SLC24A4: variants seen among roughly 807,000 people sequenced by gnomAD.
SLC24A4 encodes the protein sodium/potassium/calcium exchanger 4.
Under a neutral mutation model 79.0 loss-of-function variants are expected in SLC24A4, and 53 were observed. That is an observed-to-expected ratio of 0.67 (90% confidence interval 0.54 to 0.84). The LOEUF (loss-of-function observed/expected upper bound fraction) is 0.84. SLC24A4 is among the 40% of genes least tolerant of loss of function. SLC24A4 has a pLI of 0.00. For synonymous variants in SLC24A4, 323 were observed against 323.8 expected (o/e 1.00, Z 0.03); for missense variants, 731 against 822.0 (o/e 0.89, Z 1.35).
intron 2 of SLC24A4, among the ~76,000 whole-genome samples, chr14:92,403,010 GA>G (rs1418661581): frequency 3.3e-5 from 5 of 152,144 alleles, no homozygotes; most frequent in African/African-American, 1.2e-4. Flanking sequence ...CCCAGGTGGG[GA>G]CCAGGGACCC....
At chr14:92,349,106 T>A (rs1886716528) in intron 2 of SLC24A4, among the ~76,000 whole-genome samples, 1 of 151,312 alleles carries the variant, frequency 6.6e-6, no homozygotes, top group African/African-American at 2.4e-5. Context: ...TGTGTAAGGA[T>A]TGCTGTTGAA....
chr14:92,418,780 C>A (rs1891123715), intron 2 of SLC24A4, among the ~76,000 whole-genome samples: 1 of 152,206 alleles, frequency 6.6e-6, no homozygotes, highest in Non-Finnish European at 1.5e-5. Flanking sequence ...CGGCTCACTG[C>A]AACCTCTGCC....
intron 2 of SLC24A4, among the ~76,000 whole-genome samples, chr14:92,409,914 G>A (rs1251061433): frequency 6.6e-6 from 1 of 152,142 alleles, no homozygotes; most frequent in African/African-American, 2.4e-5. Flanking sequence ...GGAGCTGGAG[G>A]CCATTATCCT....
intron 2 of SLC24A4, among the ~76,000 whole-genome samples, chr14:92,337,265 T>C (rs1439391721): frequency 6.6e-6 from 1 of 152,188 alleles, no homozygotes; most frequent in Non-Finnish European, 1.5e-5. Flanking sequence ...CAGATTGCGA[T>C]GATAAGAATG....
chr14:92,492,327 C>A, intron 16 of SLC24A4, 87 bp downstream of exon 16: 2 of 1,252,154 alleles, frequency 1.6e-6, no homozygotes, highest in Non-Finnish European at 1.2e-6. Context: ...CTCTGTACAC[C>A]CCTGTCACTT....
At chr14:92,408,166 A>AGAGTGTGTGTGTGT (rs1555366529) in intron 2 of SLC24A4, among the ~76,000 whole-genome samples, 2 of 136,920 alleles carry the variant, frequency 1.5e-5, no homozygotes, top group Admixed American at 1.5e-4. Context: ...TTGCTACAGC[A>AGAGTGTGTGTGTGT]GTGTGTGTGT....
intron 2 of SLC24A4, among the ~76,000 whole-genome samples, chr14:92,359,208 G>C (rs1162790895): frequency 6.6e-6 from 1 of 152,100 alleles, no homozygotes; most frequent in Non-Finnish European, 1.5e-5. Flanking sequence ...GCATCTTTGT[G>C]AGCTCCCTGT....
At chr14:92,427,223 G>T (rs565016836) in intron 2 of SLC24A4, among the ~76,000 whole-genome samples, 1 of 152,228 alleles carries the variant, frequency 6.6e-6, no homozygotes, top group Non-Finnish European at 1.5e-5. Context: ...CACACTGGGG[G>T]CTCCTGAGTT....
rs944344154 is a variant in SLC24A4 at position 92,499,903 on chromosome 14, G to C, written c.*6275G>C. The C allele has an allele frequency of 1.3e-5, 2 of 149,642 alleles. No homozygotes were observed. The highest frequency in any genetic ancestry group is 3.0e-5 in the Non-Finnish European group (2 of 67,704). 9.3% of individuals were successfully genotyped at this position (149,642 alleles called of 1,614,324 possible). The stretch of plus-strand genomic sequence containing the variant: ...TGCCCAGGCTGGAGTGCAGTGGCGC[G>C]ATCTCCACTCACTGCAAGCTCCGCC... On this transcript the variant is annotated 3_prime_UTR_variant, in exon 17 of 17. Coordinates refer to ENST00000532405, the MANE Select transcript of SLC24A4 (RefSeq NM_153646.4).
Position 92,323,690 on chromosome 14 carries a change from G to A in SLC24A4, c.-141G>A. On this transcript the variant is annotated 5_prime_UTR_variant, in exon 1 of 17. Coordinates refer to ENST00000532405, the MANE Select transcript of SLC24A4 (RefSeq NM_153646.4). This position sits in a 1 kb window ranked among gnomAD's most constrained non-coding sequence, Gnocchi z 4.9. ...GCTCCCCCGCCGACCTCGCCCTCGG[G>A]CCATGAGGCTTTGGCCCGGAGCTCC... is the stretch of plus-strand genomic sequence containing the variant. 9.0e-7 allele frequency: 1 copy of A among 1,113,152 alleles called. No homozygotes were observed. The highest frequency in any genetic ancestry group is 1.7e-5 in the South Asian group (1 of 59,044). 69.0% of individuals were successfully genotyped at this position (1,113,152 alleles called of 1,614,324 possible). A position where few individuals can be genotyped will look rare whatever the true frequency, so the allele number is the denominator to read the frequency against.
intron 7 of SLC24A4, among the ~76,000 whole-genome samples, chr14:92,444,922 T>TACAC (rs1368561122): frequency 5.2e-5 from 4 of 77,014 alleles, no homozygotes; most frequent in Non-Finnish European, 1.1e-4. Flanking sequence ...ACACCCTATA[T>TACAC]ACACACACAT....
At position 92,348,200 on chromosome 14, in the gene SLC24A4, C is replaced by T. The variant is rs576373746; in HGVS notation, c.241+22222C>T. Among the ~76,000 whole-genome samples, 29 of 152,210 alleles carry T rather than the reference C, an allele frequency of 1.9e-4. No individual in the cohort carries two copies. The South Asian group carries it at 5.2e-3, about 27-fold the overall frequency. On this transcript the variant is annotated intron_variant, in intron 2 of 16. Coordinates refer to ENST00000532405, the MANE Select transcript of SLC24A4 (RefSeq NM_153646.4). ...TTTTAACTTCCTTAAATCTCATTTC[C>T]CTGTTTATGAGATGGTGATGATCTG...
At chr14:92,408,676 T>C (rs1890540081) in intron 2 of SLC24A4, among the ~76,000 whole-genome samples, 1 of 152,214 alleles carries the variant, frequency 6.6e-6, no homozygotes, top group South Asian at 2.1e-4. Flanking sequence ...TAGGTAGTAA[T>C]TAGGATTAAA....
In SLC24A4 at chr14:92,323,481, G is replaced by A; in HGVS notation, c.-350G>A. Reference sequence around the variant, plus strand: ...GCCAGGGCTGTGGCCGGGCGAGCCGGCCGAAGCGGAGCGGGCAGGTAGCGG... The same window carrying A: ...GCCAGGGCTGTGGCCGGGCGAGCCGACCGAAGCGGAGCGGGCAGGTAGCGG... On this transcript the variant is annotated 5_prime_UTR_variant, in exon 1 of 17. Transcript: ENST00000532405. The surrounding 1 kb of genome is among the most constrained non-coding windows in gnomAD (Gnocchi z 4.9). The A allele has an allele frequency of 6.1e-6, 1 of 162,804 alleles. No individual in the cohort carries two copies. Among genetic ancestry groups the A allele is most frequent in the Non-Finnish European group, 1.3e-5 (1 of 75,156 alleles). 10.1% of individuals were successfully genotyped at this position (162,804 alleles called of 1,614,324 possible).
At chr14:92,488,334 A>T (rs1895491478) in intron 14 of SLC24A4, among the ~76,000 whole-genome samples, 1 of 152,030 alleles carries the variant, frequency 6.6e-6, no homozygotes, top group African/African-American at 2.4e-5. Context: ...AGCCTCCCAA[A>T]GTGCTGGGAT....
chr14:92,334,085 C>T lies in SLC24A4; in HGVS notation c.241+8107C>T, dbSNP rs115434104. 7.8e-3 allele frequency among the ~76,000 whole-genome samples: 1,184 copies of T among 152,300 alleles called. 22 individuals carry two copies. The highest frequency in any genetic ancestry group is 0.027 in the African/African-American group (1,124 of 41,548). On this transcript the variant is annotated intron_variant, in intron 2 of 16. Transcript: ENST00000532405. ...AAGAAGTGTCTGGATTCTGAACAAA[C>T]GTCTGTTGGAATGATGCCTCAGTGG...
At chr14:92,380,752 C>G (rs564343598) in intron 2 of SLC24A4, among the ~76,000 whole-genome samples, 3 of 152,334 alleles carry the variant, frequency 2.0e-5, no homozygotes, top group Admixed American at 6.5e-5. Flanking sequence ...CTCTGTGCCC[C>G]ATGGCATGGA....
intron 12 of SLC24A4, among the ~76,000 whole-genome samples, chr14:92,477,033 G>A (rs1894801515): frequency 2.0e-5 from 3 of 152,100 alleles, no homozygotes; most frequent in Admixed American, 2.0e-4. Flanking sequence ...GTTTTGGTAT[G>A]GACATATATT....
chr14:92,399,536 T>C (rs1889975294), intron 2 of SLC24A4, among the ~76,000 whole-genome samples: 2 of 152,224 alleles, frequency 1.3e-5, no homozygotes, highest in Admixed American at 1.3e-4. Flanking sequence ...TGGTGTTGAC[T>C]TCTAAATTAA....
Sources: gnomAD v4.1 joint callset for allele counts (sites outside exome capture counted in the v4.1 genomes callset) on GRCh38, gnomAD v4.1.1 for gene constraint, Gnocchi (gnomAD v3.1) non-coding constraint, MANE v1.5 for transcripts, NCBI Gene and HGNC (gene_info 2026-07-23, HGNC 2026-07-21) for gene names.